The following MPP7 variants were observed in gnomAD, a reference collection of about 807,000 sequenced individuals.
MPP7 encodes the protein MAGUK p55 scaffold protein 7.
A neutral mutation model predicts 76.5 loss-of-function variants in MPP7; 60 were observed. That is an observed-to-expected ratio of 0.78 (90% CI 0.64 to 0.97). The LOEUF is 0.97. Among genes scored for constraint, MPP7 ranks in the 50% least tolerant of loss-of-function variants. The pLI, the probability that MPP7 is intolerant of heterozygous loss-of-function variation, is 0.00. For missense variants in MPP7, 641 were observed against 694.0 expected (o/e 0.92, Z 0.86); for synonymous variants, 237 against 244.5 (o/e 0.97, Z 0.29).
At chr10:28,196,482 A>G (rs1219843735) in intron 3 of MPP7, among the ~76,000 whole-genome samples, 19 of 240 alleles carry the variant, frequency 0.079, 1 homozygote, top group South Asian at 0.5. Flanking sequence ...TCCATCTCGA[A>G]AAAAAAAAAA....
At chr10:28,054,956 G>T (rs1205232096) in intron 16 of MPP7, among the ~76,000 whole-genome samples, 1 of 152,192 alleles carries the variant, frequency 6.6e-6, no homozygotes, top group East Asian at 1.9e-4. Context: ...TGGGATTACA[G>T]GCATGAGCCA....
intron 3 of MPP7, among the ~76,000 whole-genome samples, chr10:28,150,375 G>C (rs896762257): frequency 1.3e-5 from 2 of 152,152 alleles, no homozygotes; most frequent in African/African-American, 4.8e-5. Context: ...GTTAAGTTTT[G>C]TGATGTCTAT....
Position 28,056,572 on chromosome 10 carries a change from T to G in MPP7, c.1459A>C (p.Lys487Gln). ...LEFKPYVIFI[K>Q]PPSIERLRET... ...CTCAAACGCTCTATTGATGGAGGCT[T>G]TATAAATATCACATAGGGCTTAAAT... The change falls in exon 16 of 17, where the codon AAG becomes CAG. Residue 487 changes from lysine to glutamine, a missense_variant. Physicochemically the swap from Lys to Gln is moderately conservative, Grantham distance 53. Transcript: ENST00000683449. The G allele has an allele frequency of 1.2e-6, 2 of 1,610,520 alleles. No homozygotes were observed. Among genetic ancestry groups the G allele is most frequent in the Non-Finnish European group, 1.7e-6 (2 of 1,179,150 alleles).
At chr10:28,184,190 CAA>C (rs1369919443) in intron 3 of MPP7, among the ~76,000 whole-genome samples, 1 of 63,550 alleles carries the variant, frequency 1.6e-5, no homozygotes, top group East Asian at 2.3e-4. Flanking sequence ...CTTTATATAT[CAA>C]AATATATATA....
intron 6 of MPP7, 110 bp from the exon 7 acceptor site, chr10:28,125,201 G>GA (rs537186403): frequency 6.4e-5 from 54 of 844,918 alleles, no homozygotes; most frequent in East Asian, 2.3e-4. Context: ...CTACAAAAAC[G>GA]AAAAAAAAGA....
upstream of MPP7, among the ~76,000 whole-genome samples, chr10:28,303,114 G>A (rs1841207766): frequency 6.6e-6 from 1 of 152,184 alleles, no homozygotes; most frequent in Non-Finnish European, 1.5e-5. Flanking sequence ...GGGCGGGGCG[G>A]GGCTGCACCG....
intron 12 of MPP7, among the ~76,000 whole-genome samples, chr10:28,075,324 C>A (rs1168598711): frequency 6.6e-6 from 1 of 152,002 alleles, no homozygotes; most frequent in Non-Finnish European, 1.5e-5. Context: ...AAGATCAACC[C>A]ATTGGCCCCT....
intron 11 of MPP7, among the ~76,000 whole-genome samples, chr10:28,115,698 C>T (rs901164116): frequency 5.9e-5 from 9 of 152,160 alleles, no homozygotes; most frequent in African/African-American, 1.9e-4. Flanking sequence ...GCAGTGAATT[C>T]GTTATTTTAC....
intron 3 of MPP7, among the ~76,000 whole-genome samples, chr10:28,197,471 C>A (rs1396177830): frequency 2.0e-5 from 3 of 152,136 alleles, no homozygotes; most frequent in Non-Finnish European, 2.9e-5. Flanking sequence ...GCATGAGCCA[C>A]CACACCCAGC....
chr10:28,106,929 T>C (rs1050060823), intron 11 of MPP7, among the ~76,000 whole-genome samples: 7 of 152,180 alleles, frequency 4.6e-5, no homozygotes, highest in Admixed American at 2.0e-4. Context: ...TATAATATAA[T>C]ACATCTACTG....
intron 3 of MPP7, among the ~76,000 whole-genome samples, chr10:28,185,050 C>T (rs920342097): frequency 5.5e-5 from 8 of 146,230 alleles, no homozygotes; most frequent in African/African-American, 2.0e-4. Context: ...TATCATTGGC[C>T]AGGTACAGTG....
chr10:28,217,333 A>G (rs1182698037), intron 2 of MPP7, among the ~76,000 whole-genome samples: 2 of 152,110 alleles, frequency 1.3e-5, no homozygotes, highest in Non-Finnish European at 1.5e-5. Flanking sequence ...TCTTCAGACC[A>G]GCCTGGGCAA....
upstream of MPP7, among the ~76,000 whole-genome samples, chr10:28,304,878 C>A (rs1055149028): frequency 6.6e-6 from 1 of 151,992 alleles, no homozygotes; most frequent in Admixed American, 6.6e-5. Flanking sequence ...ATACTAGATA[C>A]TGCAATGAAC....
intron 3 of MPP7, among the ~76,000 whole-genome samples, chr10:28,167,539 C>G (rs1836525105): frequency 6.6e-6 from 1 of 152,092 alleles, no homozygotes; most frequent in East Asian, 1.9e-4. Flanking sequence ...ATTTGGGTGA[C>G]CGGCTCAACA....
intron 1 of MPP7, among the ~76,000 whole-genome samples, chr10:28,260,940 C>T (rs1156647736): frequency 6.6e-6 from 1 of 151,830 alleles, no homozygotes; most frequent in Non-Finnish European, 1.5e-5. Flanking sequence ...ATGGTTTTTC[C>T]AAGTATGTAA....
intron 3 of MPP7, among the ~76,000 whole-genome samples, chr10:28,177,558 T>C (rs1836917671): frequency 6.6e-6 from 1 of 152,186 alleles, no homozygotes; most frequent in Non-Finnish European, 1.5e-5. Flanking sequence ...TTCTGTACAA[T>C]GATAAGAAAA....
In MPP7 at chr10:28,142,326, T is replaced by C. The variant is rs147910716; in HGVS notation, c.315+5157A>G. ...AAAAACACAAAATTTTTACTAATCA[T>C]TATTTAATCACACAGTACTCAATGA... On this transcript the variant is annotated intron_variant, in intron 5 of 16. Coordinates refer to ENST00000683449, the MANE Select transcript of MPP7 (RefSeq NM_001318170.2). Among the ~76,000 whole-genome samples the C allele has an allele frequency of 3.4e-3, 518 of 152,328 alleles. 1 individual carries two copies. The highest frequency in any genetic ancestry group is 0.011 in the African/African-American group (452 of 41,582).
rs1191498863 is a variant in MPP7, at chr10:28,266,529, C to T, written c.-131-27794G>A. ...AGGCTGCAGTGAGCTATGATCATGC[C>T]ACTGTACTCCAGCCTGGGTGACAGA... On this transcript the variant is annotated intron_variant, in intron 1 of 16. Transcript: ENST00000683449. Among the ~76,000 whole-genome samples, 4 of 151,976 alleles carry T rather than the reference C, an allele frequency of 2.6e-5. No homozygotes were observed. The East Asian group carries it at 7.7e-4, about 29-fold the overall frequency.
At chr10:28,152,931 T>C (rs1257453820) in intron 3 of MPP7, among the ~76,000 whole-genome samples, 4 of 138,292 alleles carry the variant, frequency 2.9e-5, no homozygotes, top group Non-Finnish European at 6.0e-5. Flanking sequence ...TAACTACACA[T>C]TTCCCTTTGC....
Sources: allele counts gnomAD v4.1 joint callset (sites outside exome capture counted in the v4.1 genomes callset), GRCh38; gene constraint gnomAD v4.1.1; transcripts MANE v1.5; gene names NCBI Gene and HGNC (gene_info 2026-07-23, HGNC 2026-07-21).